BTBD7: variants seen among roughly 807,000 people sequenced by gnomAD.
The protein encoded by BTBD7 is BTB/POZ domain-containing protein 7.
In BTBD7, 38 loss-of-function variants were observed where a neutral mutation model predicts 99.9. The ratio of observed to expected loss-of-function variants is 0.38; its 90% confidence interval spans 0.29 to 0.50. The LOEUF (loss-of-function observed/expected upper bound fraction) is 0.50. Ranked by LOEUF, BTBD7 falls within the 20% of genes least tolerant of loss-of-function variation. BTBD7 has a pLI of 0.93. For missense variants in BTBD7, 1,170 were observed against 1,394.6 expected (o/e 0.84, Z 2.57); for synonymous variants, 520 against 511.4 (o/e 1.02, Z -0.23).
rs921011253 is a variant in BTBD7, at chr14:93,241,761, A to C, written c.*512T>G. ...CTAAAACAATTACTGAAAAGAGAGG[A>C]GCATTCTGATGTGCTGTTCTTTGGA... is the stretch of plus-strand genomic sequence containing the variant. On this transcript the variant is annotated 3_prime_UTR_variant, in exon 11 of 11. Transcript: ENST00000334746. The C allele has an allele frequency of 1.3e-5, 2 of 154,202 alleles. No homozygotes were observed. Among genetic ancestry groups the C allele is most frequent in the Non-Finnish European group, 2.9e-5 (2 of 69,166 alleles). The allele number at this position is 154,202 out of a possible 1,614,324, so 9.6% of individuals were successfully genotyped here.
intron 1 of BTBD7, among the ~76,000 whole-genome samples, chr14:93,324,575 C>T (rs1595344943): frequency 6.6e-6 from 1 of 152,084 alleles, no homozygotes; most frequent in African/African-American, 2.4e-5. Context: ...ATCCAGATAC[C>T]CTCTACCTCT....
chr14:93,244,393 G>A (rs2052276378), intron 10 of BTBD7: 1 of 178,416 alleles, frequency 5.6e-6, no homozygotes, highest in East Asian at 1.8e-4. Flanking sequence ...GCCCACGCCT[G>A]TAATCCCAGC....
At chr14:93,319,193 A>G (rs1480376892) in intron 1 of BTBD7, among the ~76,000 whole-genome samples, 1 of 152,264 alleles carries the variant, frequency 6.6e-6, no homozygotes, top group Non-Finnish European at 1.5e-5. Flanking sequence ...AGCCTGGACA[A>G]CAGAATGAGA....
At chr14:93,284,238 A>G (rs1234911593) in intron 3 of BTBD7, among the ~76,000 whole-genome samples, 4 of 152,222 alleles carry the variant, frequency 2.6e-5, no homozygotes, top group Non-Finnish European at 5.9e-5. Flanking sequence ...TCTATTTTAA[A>G]TCAATGAACT....
chr14:93,326,044 A>AAAAAAC (rs1334460419), intron 1 of BTBD7, among the ~76,000 whole-genome samples: 6 of 152,354 alleles, frequency 3.9e-5, no homozygotes, highest in Non-Finnish European at 7.3e-5. Flanking sequence ...TTTAAAATTA[A>AAAAAAC]AAAAACAAAA....
chr14:93,288,162 C>A (rs1487756453), intron 3 of BTBD7: 4 of 233,980 alleles, frequency 1.7e-5, no homozygotes, highest in African/African-American at 9.1e-5. Context: ...CCCCAGTGTT[C>A]TGAAAAAGAA....
chr14:93,244,168 A>C (rs965008629), intron 10 of BTBD7: 6 of 445,576 alleles, frequency 1.3e-5, no homozygotes, highest in Non-Finnish European at 2.6e-5. Flanking sequence ...GACTAGGCTG[A>C]TTTTCCCGAA....
intron 1 of BTBD7, among the ~76,000 whole-genome samples, chr14:93,309,896 A>G (rs971878561): frequency 6.6e-6 from 1 of 152,226 alleles, no homozygotes; most frequent in African/African-American, 2.4e-5. Context: ...ACAATAAAAA[A>G]GTGGAGAAAA....
At chr14:93,253,350 C>T (rs932283803) in intron 7 of BTBD7, among the ~76,000 whole-genome samples, 1 of 152,176 alleles carries the variant, frequency 6.6e-6, no homozygotes, top group East Asian at 1.9e-4. Flanking sequence ...AAAATAGTGA[C>T]AACCATTTTC....
At chr14:93,311,490 CAT>C (rs1206880018) in intron 1 of BTBD7, among the ~76,000 whole-genome samples, 1 of 152,214 alleles carries the variant, frequency 6.6e-6, no homozygotes, top group Non-Finnish European at 1.5e-5. Flanking sequence ...TATATACACA[CAT>C]ATCTACATAA....
At chr14:93,291,744 A>G (rs190401674) in intron 3 of BTBD7, among the ~76,000 whole-genome samples, 1 of 151,768 alleles carries the variant, frequency 6.6e-6, no homozygotes, top group Admixed American at 6.6e-5. Context: ...GTATTATTTT[A>G]TATCTTTAAA....
chr14:93,307,984 C>T (rs7143982), intron 1 of BTBD7, among the ~76,000 whole-genome samples: 6,285 of 152,144 alleles, frequency 0.041, 427 homozygotes, highest in African/African-American at 0.14. Flanking sequence ...CAGTCTAAGC[C>T]TCTTAGAAGA....
At position 93,242,402 on chromosome 14, in the gene BTBD7, T is replaced by C. The variant is rs1193733453; in HGVS notation, c.3270A>G (p.Arg1090=). ...SEAPEERSGR[R]LADSESLGHG... ...GGCCCAGGGACTCACTGTCTGCCAGTCTTCTACCGGATCTCTCTTCGGGAG... is the reference window on the plus strand; with the variant it reads ...GGCCCAGGGACTCACTGTCTGCCAGCCTTCTACCGGATCTCTCTTCGGGAG... The change falls in exon 11 of 11, where the codon AGA becomes AGG. Residue 1090 remains arginine, a synonymous_variant. Transcript: ENST00000334746. The C allele has an allele frequency of 6.2e-7, 1 of 1,614,228 alleles. No individual in the cohort carries two copies. Among genetic ancestry groups the C allele is most frequent in the Non-Finnish European group, 8.5e-7 (1 of 1,180,048 alleles).
intron 3 of BTBD7, among the ~76,000 whole-genome samples, chr14:93,269,150 C>T (rs2052574502): frequency 6.6e-6 from 1 of 152,154 alleles, no homozygotes; most frequent in South Asian, 2.1e-4. Context: ...ATACACCAAA[C>T]ATGGTGATAT....
intron 3 of BTBD7, among the ~76,000 whole-genome samples, chr14:93,283,017 A>G (rs1220308609): frequency 6.6e-6 from 1 of 152,240 alleles, no homozygotes; most frequent in Non-Finnish European, 1.5e-5. Context: ...GAATTTTATT[A>G]TCAGAGAAAA....
At chr14:93,261,797 T>C (rs768511193) in intron 4 of BTBD7, 120 bp from the exon 5 acceptor site, 17 of 701,152 alleles carry the variant, frequency 2.4e-5, no homozygotes, top group East Asian at 1.6e-4. Flanking sequence ...ACTCTTTCCA[T>C]TGGCTGTTTG....
At chr14:93,293,237 G>A (rs1430634460) in intron 3 of BTBD7, among the ~76,000 whole-genome samples, 2 of 152,066 alleles carry the variant, frequency 1.3e-5, no homozygotes, top group Non-Finnish European at 2.9e-5. Context: ...CACAAAAAAC[G>A]TGCCGTCCTA....
rs767660003 is a variant in BTBD7 at position 93,248,562 on chromosome 14, C to T, written c.2035G>A (p.Gly679Arg). 3.7e-6 allele frequency: 6 copies of T among 1,614,144 alleles called. No homozygotes were observed. The Admixed American group carries it at 6.7e-5, about 18-fold the overall frequency. The change falls in exon 9 of 11, where the codon GGG (glycine) becomes AGG (arginine). Residue 679 changes from glycine (G) to arginine (R), a missense_variant. Transcript: ENST00000334746. The stretch of plus-strand genomic sequence containing the variant: ...TCATAGCTGACAGTGGCGCCTTCCC[C>T]GCAGTTCAGGGCATAGGCCCTCTGC... ...QVQRAYALNC[G>R]EGATVSYEIQ...
chr14:93,249,504 G>A (rs961546321), intron 8 of BTBD7, among the ~76,000 whole-genome samples: 2 of 152,204 alleles, frequency 1.3e-5, no homozygotes, highest in Admixed American at 1.3e-4. Flanking sequence ...GAGGATGACA[G>A]GATCAGAGCT....
Sources: allele counts gnomAD v4.1 joint callset (sites outside exome capture counted in the v4.1 genomes callset), GRCh38; gene constraint gnomAD v4.1.1; transcripts MANE v1.5; gene names NCBI Gene and HGNC (gene_info 2026-07-23, HGNC 2026-07-21).